SLC24A2: variants seen among roughly 807,000 people sequenced by gnomAD.
SLC24A2 encodes the protein sodium/potassium/calcium exchanger 2.
In SLC24A2, 36 loss-of-function variants were observed where a neutral mutation model predicts 62.0. That is an observed-to-expected ratio of 0.58 (90% CI 0.44 to 0.77). The LOEUF (loss-of-function observed/expected upper bound fraction) is 0.77, where lower values mean the gene tolerates loss of function less well. Among genes scored for constraint, SLC24A2 ranks in the 30% least tolerant of loss-of-function variants. The probability of loss-of-function intolerance (pLI) is 0.00; values close to 1 mark genes in which losing one functional copy is unlikely to be tolerated. For missense variants in SLC24A2, 846 were observed against 817.9 expected, an observed-to-expected ratio of 1.03 and a Z score of -0.42; for synonymous variants, 358 against 294.0, an observed-to-expected ratio of 1.22 and a Z score of -2.23.
At chr9:19,910,572 A>C in the SLC24A2 span, among the ~76,000 whole-genome samples, 2 of 151,744 alleles carry the variant, frequency 1.3e-5, no homozygotes, top group African/African-American at 4.8e-5. Flanking sequence ...AGCCTCACTA[A>C]CTCCCTGTAC....
chr9:19,839,102 A>G, the SLC24A2 span, among the ~76,000 whole-genome samples: 5 of 152,368 alleles, frequency 3.3e-5, no homozygotes, highest in Middle Eastern at 6.8e-3. Context: ...ACACTTCTCA[A>G]AAGAAGACAT....
intron 2 of SLC24A2, among the ~76,000 whole-genome samples, chr9:19,735,472 A>G (rs1320368152): frequency 6.6e-6 from 1 of 152,136 alleles, no homozygotes; most frequent in Non-Finnish European, 1.5e-5. Flanking sequence ...ATCTAGAACT[A>G]GAAATACCAT....
At chr9:19,552,426 C>T (rs1283831511) in intron 7 of SLC24A2, among the ~76,000 whole-genome samples, 4 of 152,222 alleles carry the variant, frequency 2.6e-5, no homozygotes, top group Non-Finnish European at 4.4e-5. Flanking sequence ...ATGACTTTCC[C>T]CTTACCTCCT....
intron 2 of SLC24A2, among the ~76,000 whole-genome samples, chr9:19,714,831 G>C (rs1307346826): frequency 6.6e-6 from 1 of 151,966 alleles, no homozygotes; most frequent in Non-Finnish European, 1.5e-5. Context: ...ATTAACTATA[G>C]TCTTTATGTC....
chr9:19,843,067 G>C, the SLC24A2 span, among the ~76,000 whole-genome samples: 1 of 152,120 alleles, frequency 6.6e-6, no homozygotes, highest in African/African-American at 2.4e-5. Context: ...GCTGGTGCCA[G>C]TCCATGAACA....
the SLC24A2 span, among the ~76,000 whole-genome samples, chr9:20,110,385 C>G: frequency 1.3e-5 from 2 of 152,040 alleles, no homozygotes; most frequent in East Asian, 3.9e-4. Context: ...AGTCTAAAAG[C>G]TTCTGTAAAT....
the SLC24A2 span, among the ~76,000 whole-genome samples, chr9:19,801,911 G>T: frequency 6.6e-6 from 1 of 152,088 alleles, no homozygotes; most frequent in Non-Finnish European, 1.5e-5. Context: ...AGTAGAGGTC[G>T]TCCTTTATTA....
the SLC24A2 span, among the ~76,000 whole-genome samples, chr9:19,849,953 T>C: frequency 6.6e-6 from 1 of 151,670 alleles, no homozygotes; most frequent in East Asian, 1.9e-4. Flanking sequence ...GAAAGGCAGT[T>C]AGCACATTTC....
chr9:19,924,741 GA>G, the SLC24A2 span, among the ~76,000 whole-genome samples: 1 of 152,218 alleles, frequency 6.6e-6, no homozygotes, highest in Non-Finnish European at 1.5e-5. Context: ...CTGAATCTCT[GA>G]GGGTAAAACA....
At chr9:20,230,870 T>C in the SLC24A2 span, among the ~76,000 whole-genome samples, 3 of 152,228 alleles carry the variant, frequency 2.0e-5, no homozygotes, top group Non-Finnish European at 4.4e-5. Flanking sequence ...GTTTTAGGTC[T>C]AACATGTAAG....
At chr9:20,210,123 A>T in the SLC24A2 span, among the ~76,000 whole-genome samples, 7 of 152,194 alleles carry the variant, frequency 4.6e-5, no homozygotes, top group Non-Finnish European at 7.3e-5. Context: ...ACATTCACAC[A>T]GGATGAACAA....
intron 2 of SLC24A2, among the ~76,000 whole-genome samples, chr9:19,667,412 A>C (rs998299274): frequency 3.4e-4 from 52 of 152,094 alleles, no homozygotes; most frequent in African/African-American, 1.3e-3. Flanking sequence ...GAACACTTTC[A>C]TTCTTATTGC....
At chr9:20,084,778 AG>A in the SLC24A2 span, among the ~76,000 whole-genome samples, 1 of 152,114 alleles carries the variant, frequency 6.6e-6, no homozygotes, top group Non-Finnish European at 1.5e-5. Context: ...ATCACAACCA[AG>A]GGGCTTTAAC....
At chr9:20,278,007 G>A in the SLC24A2 span, among the ~76,000 whole-genome samples, 1 of 151,988 alleles carries the variant, frequency 6.6e-6, no homozygotes, top group African/African-American at 2.4e-5. Flanking sequence ...AACTCTCCAT[G>A]TTCTCACTCA....
intron 2 of SLC24A2, among the ~76,000 whole-genome samples, chr9:19,645,096 A>T (rs1243428321): frequency 6.6e-6 from 1 of 152,108 alleles, no homozygotes; most frequent in East Asian, 1.9e-4. Flanking sequence ...ACTGGTGAAA[A>T]GAATGGTTTA....
intron 9 of SLC24A2, among the ~76,000 whole-genome samples, chr9:19,525,479 T>C (rs929339312): frequency 6.8e-6 from 1 of 147,740 alleles, no homozygotes; most frequent in African/African-American, 2.5e-5. Context: ...TCTTGGCTCA[T>C]TGCAGCCTTC....
the SLC24A2 span, among the ~76,000 whole-genome samples, chr9:20,099,841 T>C: frequency 6.6e-6 from 1 of 152,174 alleles, no homozygotes; most frequent in Non-Finnish European, 1.5e-5. Context: ...ATAAGGATTT[T>C]TTTTCTCCAG....
chr9:19,679,263 T>C (rs903619109), intron 2 of SLC24A2, among the ~76,000 whole-genome samples: 12 of 152,190 alleles, frequency 7.9e-5, no homozygotes, highest in East Asian at 3.8e-4. Flanking sequence ...TCTCTAAGGA[T>C]GCATAAAGGT....
At chr9:20,175,952 C>A in the SLC24A2 span, among the ~76,000 whole-genome samples, 2 of 151,866 alleles carry the variant, frequency 1.3e-5, no homozygotes, top group African/African-American at 4.8e-5. Context: ...GAGAAGAGAT[C>A]ATGGAGAGGG....
Sources: gnomAD v4.1 joint callset for allele counts (sites outside exome capture counted in the v4.1 genomes callset) on GRCh38, gnomAD v4.1.1 for gene constraint, MANE v1.5 for transcripts, NCBI Gene and HGNC (gene_info 2026-07-23, HGNC 2026-07-21) for gene names.